Variants in ADAM23 observed in about 807,000 individuals in gnomAD.
The protein encoded by ADAM23 is disintegrin and metalloproteinase domain-containing protein 23.
In ADAM23, 33 loss-of-function variants were observed where a neutral mutation model predicts 120.1. The observed-to-expected ratio is 0.27, with a 90% CI of 0.21 to 0.37. ADAM23 has a LOEUF of 0.37. Among genes scored for constraint, ADAM23 ranks in the 10% least tolerant of loss-of-function variants. ADAM23 has a pLI of 1.00. For synonymous variants in ADAM23, 367 were observed against 375.2 expected (o/e 0.98, Z 0.25); for missense variants, 862 against 1,058.2 (o/e 0.81, Z 2.57).
At chr2:206,460,722 C>T (rs1197258773) in intron 2 of ADAM23, among the ~76,000 whole-genome samples, 1 of 152,128 alleles carries the variant, frequency 6.6e-6, no homozygotes. Flanking sequence ...TCCTTTGATG[C>T]ACAAAAGTTT....
chr2:206,557,348 AT>A, intron 9 of ADAM23, 78 bp from the exon 10 acceptor site: 1 of 1,110,474 alleles, frequency 9.0e-7, no homozygotes. Context: ...TATTACTGAG[AT>A]ATTTCTGCTT....
intron 2 of ADAM23, among the ~76,000 whole-genome samples, chr2:206,448,806 A>G (rs1275498334): frequency 2.0e-5 from 3 of 152,228 alleles, no homozygotes; most frequent in South Asian, 2.1e-4. Flanking sequence ...TCCTCGCCCT[A>G]TGTGTCTCTT....
At chr2:206,468,994 A>G (rs1456752673) in intron 2 of ADAM23, among the ~76,000 whole-genome samples, 1 of 152,004 alleles carries the variant, frequency 6.6e-6, no homozygotes. Flanking sequence ...TCTCATGACA[A>G]CTCACTACTG....
At chr2:206,549,175 A>G (rs149209672) in intron 8 of ADAM23, among the ~76,000 whole-genome samples, 9 of 151,916 alleles carry the variant, frequency 5.9e-5, no homozygotes, top group African/African-American at 2.2e-4. Context: ...TTTTTTGTGA[A>G]AAAAATAGAC....
chr2:206,555,251 C>T (rs933836731), intron 9 of ADAM23, among the ~76,000 whole-genome samples: 13 of 152,084 alleles, frequency 8.5e-5, no homozygotes, highest in Non-Finnish European at 4.4e-5. Flanking sequence ...TTCCCTAGTC[C>T]TAAACTTCTC....
In ADAM23 at chr2:206,596,058, G is replaced by A; in HGVS notation, c.2255G>A (p.Ser752Asn). ...GKVCSGHGVC[S>N]NEATCICDFT... ...GTTCCTTTTTCTTCACAGGTGTGTA[G>A]TAATGAAGCCACCTGCATTTGTGAT... Residue 752 changes from serine (S) to asparagine (N), a missense_variant, in exon 24 of 26, where the codon AGT becomes AAT. Transcript: ENST00000264377. The A allele has an allele frequency of 6.2e-7, 1 of 1,613,256 alleles. No individual in the cohort carries two copies. Among genetic ancestry groups the A allele is most frequent in the Non-Finnish European group, 8.5e-7 (1 of 1,179,386 alleles).
At chr2:206,504,334 GAGTGA>G (rs1442574890) in intron 3 of ADAM23, among the ~76,000 whole-genome samples, 21 of 152,178 alleles carry the variant, frequency 1.4e-4, no homozygotes, top group Middle Eastern at 3.4e-3. Flanking sequence ...TATTTGCCCT[GAGTGA>G]ACCTGTTGTA....
chr2:206,558,691 T>C (rs1697696231), intron 10 of ADAM23, among the ~76,000 whole-genome samples: 1 of 152,242 alleles, frequency 6.6e-6, no homozygotes, highest in Non-Finnish European at 1.5e-5. Context: ...AGCTGTTTAC[T>C]TGGTAGCATC....
chr2:206,445,516 CATAATA>C lies in ADAM23; in HGVS notation c.426_431del (p.His142_Lys144delinsGln). ...CACAAAGGCAAGACACCAGCAAAAA[CATAATA>C]AGGTAGGCAGGAGGCTGGCTATGCA... On this transcript the variant is annotated inframe_deletion and splice_region_variant, in exon 2 of 26. Transcript: ENST00000264377. 1.2e-6 allele frequency: 2 copies of C among 1,612,912 alleles called. No homozygotes were observed. Among genetic ancestry groups the C allele is most frequent in the Non-Finnish European group, 1.7e-6 (2 of 1,179,472 alleles).
In ADAM23 at chr2:206,443,891, C is replaced by T. The variant is rs1459961576; in HGVS notation, c.25C>T (p.Arg9Trp). Residue 9 changes from arginine to tryptophan, a missense_variant, in exon 1 of 26, where the codon CGG (arginine) becomes TGG (tryptophan). Arg to Trp is a moderately radical substitution (Grantham distance 101). Around this residue, in one of 4 missense-constraint regions of ADAM23, gnomAD observed 225 missense variants for 204.0 expected, o/e 1.10. Transcript: ENST00000264377. MKPPGSSS[R>W]QPPLAGCSLA... ...CATGAAGCCGCCCGGCAGCAGCTCG[C>T]GGCAGCCGCCCCTGGCGGGCTGCAG... is the stretch of plus-strand genomic sequence containing the variant. 15 of 1,167,402 alleles carry T rather than the reference C, an allele frequency of 1.3e-5. No homozygotes were observed. Among genetic ancestry groups the T allele is most frequent in the Non-Finnish European group, 1.6e-5 (15 of 949,476 alleles). 72.3% of individuals were successfully genotyped at this position (1,167,402 alleles called of 1,614,324 possible). A position where few individuals can be genotyped will look rare whatever the true frequency, so the allele number is the denominator to read the frequency against.
chr2:206,571,291 C>T (rs1031477358), intron 16 of ADAM23, among the ~76,000 whole-genome samples: 6 of 151,228 alleles, frequency 4.0e-5, no homozygotes, highest in African/African-American at 7.3e-5. Flanking sequence ...CTGGCTAACA[C>T]GGTGAAACCC....
chr2:206,456,416 GA>G (rs1326227059), intron 2 of ADAM23, among the ~76,000 whole-genome samples: 1 of 152,002 alleles, frequency 6.6e-6, no homozygotes, highest in African/African-American at 2.4e-5. Flanking sequence ...TTTGCGTAGG[GA>G]CATAGAGCCA....
intron 3 of ADAM23, among the ~76,000 whole-genome samples, chr2:206,499,796 A>G (rs748168684): frequency 2.6e-4 from 39 of 152,080 alleles, no homozygotes; most frequent in Non-Finnish European, 1.8e-4. Flanking sequence ...TAATATGTCT[A>G]TTTTCATGCA....
intron 3 of ADAM23, among the ~76,000 whole-genome samples, chr2:206,526,282 T>C (rs1696947040): frequency 6.6e-6 from 1 of 152,146 alleles, no homozygotes; most frequent in Admixed American, 6.5e-5. Context: ...CAGCTCTGCT[T>C]GTATAGTTGC....
chr2:206,598,745 C>A (rs1189176086), intron 24 of ADAM23, among the ~76,000 whole-genome samples: 1 of 151,506 alleles, frequency 6.6e-6, no homozygotes, highest in Non-Finnish European at 1.5e-5. Context: ...ACTAAAAATA[C>A]AAAAATTAGC....
intron 24 of ADAM23, among the ~76,000 whole-genome samples, chr2:206,601,290 C>T (rs956560424): frequency 6.6e-6 from 1 of 152,184 alleles, no homozygotes; most frequent in Admixed American, 6.5e-5. Flanking sequence ...TCATCACAAC[C>T]ACACTCATCA....
At chr2:206,472,143 G>A (rs1289309985) in intron 2 of ADAM23, among the ~76,000 whole-genome samples, 2 of 152,144 alleles carry the variant, frequency 1.3e-5, no homozygotes, top group Non-Finnish European at 2.9e-5. Flanking sequence ...GAAAATCTTA[G>A]TTTGACCTCC....
chr2:206,492,863 A>G (rs1384051539), intron 3 of ADAM23, among the ~76,000 whole-genome samples: 5 of 152,208 alleles, frequency 3.3e-5, no homozygotes, highest in Non-Finnish European at 7.3e-5. Flanking sequence ...TTTCAGTGAT[A>G]AAGAAGTCTG....
intron 18 of ADAM23, among the ~76,000 whole-genome samples, chr2:206,581,545 G>C (rs746701582): frequency 1.3e-5 from 2 of 152,148 alleles, no homozygotes; most frequent in Non-Finnish European, 2.9e-5. Flanking sequence ...GTTCCTTTTG[G>C]AGTCAATTTC....
Sources: allele counts gnomAD v4.1 joint callset (sites outside exome capture counted in the v4.1 genomes callset), GRCh38; gene constraint gnomAD v4.1.1; regional missense constraint gnomAD v4.1.1; transcripts MANE v1.5; gene names NCBI Gene and HGNC (gene_info 2026-07-23, HGNC 2026-07-21).